The following SLC7A14 variants were observed in gnomAD, a reference collection of about 807,000 sequenced individuals.
The protein encoded by SLC7A14 is solute carrier family 7 member 14.
In SLC7A14, 37 loss-of-function variants were observed where a neutral mutation model predicts 60.2. The ratio of observed to expected loss-of-function variants is 0.61; its 90% CI spans 0.47 to 0.81. The LOEUF (loss-of-function observed/expected upper bound fraction) is 0.81. SLC7A14 is among the 30% of genes least tolerant of loss of function. The probability of loss-of-function intolerance (pLI) is 0.00; values close to 1 mark genes in which losing one functional copy is unlikely to be tolerated. For missense variants in SLC7A14, 886 were observed against 982.7 expected, an observed-to-expected ratio of 0.90 and a Z score of 1.32; for synonymous variants, 399 against 395.8, an observed-to-expected ratio of 1.01 and a Z score of -0.10.
At chr3:170,505,757 G>A (rs530370958) in intron 2 of SLC7A14, among the ~76,000 whole-genome samples, 8 of 152,004 alleles carry the variant, frequency 5.3e-5, no homozygotes, top group Non-Finnish European at 1.2e-4. Flanking sequence ...GTGCAGTGGC[G>A]GACGCCTGTA....
At chr3:170,566,375 TTCGAAGTTGGAGCTAAGTTC>T (rs1714787903) in intron 1 of SLC7A14, among the ~76,000 whole-genome samples, 1 of 152,186 alleles carries the variant, frequency 6.6e-6, no homozygotes, top group Admixed American at 6.5e-5. Flanking sequence ...CTCCTTAGTG[TTCGAAGTTGGAGCTAAGTTC>T]TTCTCAAACA....
At position 170,495,776 on chromosome 3, in the gene SLC7A14, G is replaced by A. The variant is rs117007352; in HGVS notation, c.759+2891C>T. The A allele has an allele frequency of 7.2e-4, 834 of 1,159,040 alleles. 9 individuals carry two copies. In the East Asian group the frequency reaches 0.016, roughly 22 times the overall value. 71.8% of individuals were successfully genotyped at this position (1,159,040 alleles called of 1,614,324 possible). On this transcript the variant is annotated intron_variant, in intron 4 of 7. Transcript: ENST00000231706. ...CCTTCATCGACAAGGTACGGTTCCT[G>A]CAGCAGTAGAACAAGATGCTGGAGA... is the stretch of plus-strand genomic sequence containing the variant.
chr3:170,502,813 G>C (rs1486928982), intron 2 of SLC7A14: 1 of 152,214 alleles, frequency 6.6e-6, no homozygotes, highest in Non-Finnish European at 1.5e-5. Flanking sequence ...CCCCTCAGCT[G>C]CTTCAGTTGT....
chr3:170,482,492 G>A (rs533888572), intron 6 of SLC7A14, among the ~76,000 whole-genome samples: 1 of 152,308 alleles, frequency 6.6e-6, no homozygotes, highest in East Asian at 1.9e-4. Flanking sequence ...GGCCTCCACG[G>A]TTTACTCCTT....
chr3:170,525,296 A>C (rs1391594177), intron 2 of SLC7A14, among the ~76,000 whole-genome samples: 2 of 152,234 alleles, frequency 1.3e-5, no homozygotes, highest in Non-Finnish European at 2.9e-5. Flanking sequence ...GAGAAAAGGA[A>C]GGAAGAGGAA....
At chr3:170,550,400 G>T (rs1341298406) in intron 1 of SLC7A14, among the ~76,000 whole-genome samples, 2 of 151,918 alleles carry the variant, frequency 1.3e-5, no homozygotes, top group African/African-American at 4.8e-5. Flanking sequence ...CGTAAAGTGT[G>T]GGTGTTGGTG....
At chr3:170,544,340 A>G (rs1357028361) in intron 1 of SLC7A14, among the ~76,000 whole-genome samples, 1 of 152,152 alleles carries the variant, frequency 6.6e-6, no homozygotes, top group South Asian at 2.1e-4. Flanking sequence ...AAATAGACAC[A>G]CACACACAGA....
At chr3:170,584,926 C>G (rs1029471051) in intron 1 of SLC7A14, among the ~76,000 whole-genome samples, 2 of 152,232 alleles carry the variant, frequency 1.3e-5, no homozygotes, top group Non-Finnish European at 2.9e-5. Context: ...AGGAAACGAG[C>G]TTCACACAGG....
chr3:170,517,925 A>T (rs2108289523), intron 2 of SLC7A14, among the ~76,000 whole-genome samples: 1 of 152,352 alleles, frequency 6.6e-6, no homozygotes, highest in East Asian at 1.9e-4. Flanking sequence ...TTTTAGACCC[A>T]ATCAATGGGA....
At chr3:170,538,847 C>A (rs905139959) in intron 1 of SLC7A14, among the ~76,000 whole-genome samples, 2 of 152,230 alleles carry the variant, frequency 1.3e-5, no homozygotes, top group African/African-American at 2.4e-5. Flanking sequence ...CTTAGCTCCT[C>A]TTCCTGTTTT....
intron 4 of SLC7A14, among the ~76,000 whole-genome samples, chr3:170,491,239 C>G (rs1712208781): frequency 6.6e-6 from 1 of 152,112 alleles, no homozygotes; most frequent in African/African-American, 2.4e-5. Flanking sequence ...CTACTTTCCT[C>G]TAAATGAACA....
chr3:170,511,192 G>C (rs1260041736), intron 2 of SLC7A14, among the ~76,000 whole-genome samples: 1 of 152,124 alleles, frequency 6.6e-6, no homozygotes, highest in African/African-American at 2.4e-5. Context: ...TCACTCGGGA[G>C]TTCGAGACCA....
intron 1 of SLC7A14, among the ~76,000 whole-genome samples, chr3:170,563,574 T>C (rs1714719761): frequency 6.6e-6 from 1 of 152,020 alleles, no homozygotes; most frequent in Non-Finnish European, 1.5e-5. Flanking sequence ...CCCACCATCA[T>C]GCCCAGCTAA....
intron 1 of SLC7A14, among the ~76,000 whole-genome samples, chr3:170,559,858 C>G (rs1714594342): frequency 6.6e-6 from 1 of 152,262 alleles, no homozygotes; most frequent in African/African-American, 2.4e-5. Context: ...CAAACACTCT[C>G]TGTCCACTGG....
chr3:170,568,412 G>A (rs1714853362), intron 1 of SLC7A14, among the ~76,000 whole-genome samples: 1 of 152,160 alleles, frequency 6.6e-6, no homozygotes, highest in Admixed American at 6.5e-5. Context: ...GGTTACTGTA[G>A]CCTTGTAGTA....
At chr3:170,542,082 A>AT (rs1714033917) in intron 1 of SLC7A14, among the ~76,000 whole-genome samples, 1 of 152,122 alleles carries the variant, frequency 6.6e-6, no homozygotes, top group African/African-American at 2.4e-5. Flanking sequence ...TGGAGATACA[A>AT]TTTTTTAGGC....
chr3:170,543,453 C>T (rs1245176878), intron 1 of SLC7A14, among the ~76,000 whole-genome samples: 3 of 151,876 alleles, frequency 2.0e-5, no homozygotes, highest in African/African-American at 7.3e-5. Flanking sequence ...AGTTTGAGAC[C>T]AGCCTGACCA....
chr3:170,503,626 C>T (rs552442906), intron 2 of SLC7A14, among the ~76,000 whole-genome samples: 5 of 152,274 alleles, frequency 3.3e-5, no homozygotes, highest in Admixed American at 1.3e-4. Flanking sequence ...TGATATTGTA[C>T]AAGATTTATA....
At chr3:170,560,664 A>G (rs1428261424) in intron 1 of SLC7A14, among the ~76,000 whole-genome samples, 1 of 152,200 alleles carries the variant, frequency 6.6e-6, no homozygotes, top group Non-Finnish European at 1.5e-5. Flanking sequence ...TACATAATGG[A>G]CCAAGGTTTT....
Sources: gnomAD v4.1 joint callset for allele counts (sites outside exome capture counted in the v4.1 genomes callset) on GRCh38, gnomAD v4.1.1 for gene constraint, MANE v1.5 for transcripts, NCBI Gene and HGNC (gene_info 2026-07-23, HGNC 2026-07-21) for gene names.